Variants in QDPR observed in about 807,000 individuals in gnomAD.
QDPR encodes quinoid dihydropteridine reductase.
QDPR carries 23 observed loss-of-function variants against 31.7 expected under a neutral mutation model. The ratio of observed to expected loss-of-function variants is 0.73; its 90% CI spans 0.52 to 1.03. The LOEUF is 1.03. Ranked by LOEUF, QDPR falls within the 50% of genes least tolerant of loss-of-function variation. The pLI is 0.00. For missense variants in QDPR, 324 were observed against 323.8 expected (o/e 1.00, Z 0.00); for synonymous variants, 124 against 124.7 (o/e 0.99, Z 0.03).
rs1577184882 is a variant in QDPR at position 17,490,820 on chromosome 4, G to C, written c.546-75C>G. 12 of 1,197,702 alleles carry C rather than the reference G, an allele frequency of 1.0e-5. No individual in the cohort carries two copies. The East Asian group carries it at 2.9e-4, about 29-fold the overall frequency. 74.2% of individuals were successfully genotyped at this position (1,197,702 alleles called of 1,614,324 possible). A position where few individuals can be genotyped will look rare whatever the true frequency, so the allele number is the denominator to read the frequency against. ...ACAGGTGCCCAGTCCCCCTTGGCCAGGAAAACGCAAACATACAGCAGGACA... is the reference window on the plus strand; with the variant it reads ...ACAGGTGCCCAGTCCCCCTTGGCCACGAAAACGCAAACATACAGCAGGACA... On this transcript the variant is annotated intron_variant, in intron 5 of 6. Transcript: ENST00000281243.
intron 2 of QDPR, among the ~76,000 whole-genome samples, chr4:17,507,404 A>G (rs962885587): frequency 6.6e-6 from 1 of 152,168 alleles, no homozygotes; most frequent in Non-Finnish European, 1.5e-5. Context: ...TTAAACACAG[A>G]GTCAGCTGCG....
chr4:17,508,101 T>C (rs1381148024), intron 2 of QDPR, among the ~76,000 whole-genome samples: 1 of 152,268 alleles, frequency 6.6e-6, no homozygotes, highest in Non-Finnish European at 1.5e-5. Flanking sequence ...GTGTTCCTGC[T>C]GTGAACTGGG....
intron 6 of QDPR, among the ~76,000 whole-genome samples, chr4:17,488,797 C>G (rs1718058641): frequency 6.6e-6 from 1 of 152,150 alleles, no homozygotes; most frequent in Admixed American, 6.5e-5. Flanking sequence ...TCATTCAGGC[C>G]CCTACTCTGG....
At chr4:17,497,886 C>T (rs1199424235) in intron 4 of QDPR, among the ~76,000 whole-genome samples, 1 of 152,170 alleles carries the variant, frequency 6.6e-6, no homozygotes, top group Non-Finnish European at 1.5e-5. Context: ...ATACCTGCTA[C>T]CTATTGGTCT....
chr4:17,505,243 CTTTTTTTT>C (rs1230268105), intron 2 of QDPR, among the ~76,000 whole-genome samples: 1 of 103,298 alleles, frequency 9.7e-6, no homozygotes, highest in Admixed American at 1.1e-4. Flanking sequence ...CTTAAGATTT[CTTTTTTTT>C]TTTTTTTTTT....
chr4:17,497,978 G>A (rs755574944), intron 4 of QDPR, among the ~76,000 whole-genome samples: 37 of 152,132 alleles, frequency 2.4e-4, no homozygotes, highest in Admixed American at 5.9e-4. Flanking sequence ...CCTCTGCCCC[G>A]CAGGCATGTG....
intron 2 of QDPR, among the ~76,000 whole-genome samples, chr4:17,508,633 T>TA (rs34858847): frequency 0.053 from 6,755 of 127,000 alleles, 508 homozygotes; most frequent in African/African-American, 0.18. Context: ...TATTTAAGTA[T>TA]AAAAAAAAAA....
At chr4:17,508,884 C>T (rs1028709058) in intron 2 of QDPR, among the ~76,000 whole-genome samples, 4 of 152,064 alleles carry the variant, frequency 2.6e-5, no homozygotes, top group Non-Finnish European at 4.4e-5. Context: ...ACAGGCCAGG[C>T]GCGGTGGCTC....
At chr4:17,502,706 T>C (rs1442286035) in intron 3 of QDPR, among the ~76,000 whole-genome samples, 2 of 152,202 alleles carry the variant, frequency 1.3e-5, no homozygotes, top group Non-Finnish European at 2.9e-5. Flanking sequence ...CTTTGGCTAA[T>C]AAATGTAGAA....
In QDPR at chr4:17,507,721, A is replaced by G. The variant is rs554555665; in HGVS notation, c.198+1550T>C. 5.9e-5 allele frequency among the ~76,000 whole-genome samples: 9 copies of G among 151,800 alleles called. 1 individual carries two copies. The South Asian group carries it at 1.9e-3, about 32-fold the overall frequency. The stretch of plus-strand genomic sequence containing the variant: ...CAGGTTCAAGTGATTCTCCTGCCTC[A>G]GCCTCCCGAGTAGCTGGGACTACAG... On this transcript the variant is annotated intron_variant, in intron 2 of 6. Transcript: ENST00000281243.
In QDPR at chr4:17,487,129, G is replaced by A; in HGVS notation, c.*2C>T. On this transcript the variant is annotated 3_prime_UTR_variant, in exon 7 of 7. Transcript: ENST00000281243. ...GGCCCCTCATAGGCACTGAGATGAG[G>A]CCTAAAAATATGCTGGGGTGAGTTC... is the stretch of plus-strand genomic sequence containing the variant. 6.2e-7 allele frequency: 1 copy of A among 1,612,618 alleles called. No homozygotes were observed. Among genetic ancestry groups the A allele is most frequent in the Non-Finnish European group, 8.5e-7 (1 of 1,178,714 alleles).
At chr4:17,511,306 AG>A (rs1255783692) in intron 1 of QDPR, among the ~76,000 whole-genome samples, 1 of 152,200 alleles carries the variant, frequency 6.6e-6, no homozygotes, top group East Asian at 1.9e-4. Context: ...TATGCAAAGT[AG>A]TTGAAATAGT....
At chr4:17,509,503 A>T in intron 1 of QDPR, 140 bp from the exon 2 acceptor site, 1 of 748,196 alleles carries the variant, frequency 1.3e-6, no homozygotes, top group Non-Finnish European at 2.3e-6. Context: ...ATGTGGGAGG[A>T]TCTCTTGAGG....
At chr4:17,509,816 C>A in intron 1 of QDPR, 1 of 371,596 alleles carries the variant, frequency 2.7e-6, no homozygotes, top group South Asian at 2.0e-5. Context: ...CCATCCCAGG[C>A]CCTCCTACCT....
At chr4:17,510,298 C>T (rs4698601) in intron 1 of QDPR, among the ~76,000 whole-genome samples, 83,823 of 151,886 alleles carry the variant, frequency 0.55, 23,489 homozygotes, top group African/African-American at 0.62. Flanking sequence ...ACTCCGATGC[C>T]GGGCAGAGGT....
In QDPR at chr4:17,500,191, G is replaced by C. The variant is rs564724422; in HGVS notation, c.436+1528C>G. 7.9e-5 allele frequency among the ~76,000 whole-genome samples: 12 copies of C among 152,266 alleles called. 1 individual carries two copies. The highest frequency in any genetic ancestry group is 2.9e-4 in the African/African-American group (12 of 41,560). On this transcript the variant is annotated intron_variant, in intron 4 of 6. Coordinates refer to ENST00000281243, the MANE Select transcript of QDPR (RefSeq NM_000320.3). ...AGGGTGGTCTCAATCTCCACCTCAT[G>C]ATCCACCCGCCTTGGCCTCCCAAAG...
At chr4:17,511,551 T>G (rs1719007472) in intron 1 of QDPR, among the ~76,000 whole-genome samples, 2 of 152,214 alleles carry the variant, frequency 1.3e-5, no homozygotes, top group African/African-American at 4.8e-5. Flanking sequence ...ACCGAGGTCC[T>G]ACGGCGTTAG....
At chr4:17,502,710 T>C (rs1029351168) in intron 3 of QDPR, among the ~76,000 whole-genome samples, 17 of 152,164 alleles carry the variant, frequency 1.1e-4, no homozygotes, top group Non-Finnish European at 2.5e-4. Flanking sequence ...GGCTAATAAA[T>C]GTAGAAGGGA....
rs940829956 is a variant in QDPR at position 17,512,037 on chromosome 4, A to C, written c.18T>G (p.Ala6=). 1 of 1,602,660 alleles carries C rather than the reference A, an allele frequency of 6.2e-7. No homozygotes were observed. The highest frequency in any genetic ancestry group is 1.3e-5 in the African/African-American group (1 of 74,292). Residue 6 remains alanine (A), a synonymous_variant, in exon 1 of 7, where the codon GCT becomes GCG. Transcript: ENST00000281243. The part of the protein sequence containing the change: MAAAA[A]AGEARRVLVY... The stretch of plus-strand genomic sequence containing the variant: ...CCAGCACCCGGCGCGCCTCGCCTGC[A>C]GCCGCCGCCGCCGCCATCCTGCTCC...
Sources: allele counts gnomAD v4.1 joint callset (sites outside exome capture counted in the v4.1 genomes callset), GRCh38; gene constraint gnomAD v4.1.1; transcripts MANE v1.5; gene names NCBI Gene and HGNC (gene_info 2026-07-23, HGNC 2026-07-21).